Variants in SAMSN1 observed in about 807,000 individuals in gnomAD.
SAMSN1 encodes the protein SAM domain-containing protein SAMSN-1.
A neutral mutation model predicts 42.0 loss-of-function variants in SAMSN1; 31 were observed. That is an observed-to-expected ratio of 0.74 (90% confidence interval 0.55 to 1.00). The LOEUF (loss-of-function observed/expected upper bound fraction) is 1.00. Ranked by LOEUF, SAMSN1 falls within the 50% of genes least tolerant of loss-of-function variation. The pLI, the probability that SAMSN1 is intolerant of heterozygous loss-of-function variation, is 0.00. For synonymous variants in SAMSN1, 178 were observed against 151.9 expected (o/e 1.17, Z -1.26); for missense variants, 464 against 439.4 (o/e 1.06, Z -0.50).
intron 5 of SAMSN1, among the ~76,000 whole-genome samples, chr21:14,508,066 C>A (rs939559839): frequency 2.6e-5 from 4 of 152,148 alleles, no homozygotes; most frequent in Non-Finnish European, 5.9e-5. Context: ...TCAAGATGGA[C>A]TAACGACTTA....
chr21:14,530,419 T>A (rs368638835), intron 1 of SAMSN1, among the ~76,000 whole-genome samples: 4 of 151,940 alleles, frequency 2.6e-5, no homozygotes, highest in African/African-American at 9.7e-5. Context: ...ATGCTATGTA[T>A]AAGATGGATC....
intron 2 of SAMSN1, among the ~76,000 whole-genome samples, chr21:14,568,142 A>G (rs899007686): frequency 6.6e-6 from 1 of 152,240 alleles, no homozygotes; most frequent in African/African-American, 2.4e-5. Context: ...GCTTTAGAAC[A>G]TAGTATTCTA....
intron 1 of SAMSN1, chr21:14,643,239 T>A: frequency 1.6e-6 from 1 of 624,422 alleles, no homozygotes; most frequent in Non-Finnish European, 2.9e-6. Context: ...ATTTAAATTA[T>A]CCTGGGCATA....
At chr21:14,555,502 C>G (rs1309277752) in intron 2 of SAMSN1, among the ~76,000 whole-genome samples, 3 of 152,130 alleles carry the variant, frequency 2.0e-5, no homozygotes, top group Admixed American at 6.5e-5. Context: ...CCTGTCAATA[C>G]CACCCCTACC....
chr21:14,582,070 C>CT, intron 2 of SAMSN1: 1 of 1,369,966 alleles, frequency 7.3e-7, no homozygotes, highest in Non-Finnish European at 9.7e-7. Flanking sequence ...CTTTTGCTAT[C>CT]TGTTTCTTTC....
intron 7 of SAMSN1, among the ~76,000 whole-genome samples, chr21:14,489,491 C>T (rs2822699): frequency 0.4 from 60,153 of 151,872 alleles, 15,438 homozygotes; most frequent in African/African-American, 0.73. Context: ...AGAATTAAAA[C>T]GGTATAATTT....
At chr21:14,621,311 G>A (rs113309251) in intron 2 of SAMSN1, among the ~76,000 whole-genome samples, 42 of 152,304 alleles carry the variant, frequency 2.8e-4, no homozygotes, top group Admixed American at 1.3e-3. Context: ...GACAGTGGGT[G>A]CAGCCCACTG....
At chr21:14,508,374 T>C (rs1220224242) in intron 5 of SAMSN1, among the ~76,000 whole-genome samples, 1 of 150,358 alleles carries the variant, frequency 6.7e-6, no homozygotes, top group Non-Finnish European at 1.5e-5. Flanking sequence ...AAACAAACAA[T>C]CCCATCAAAA....
intron 1 of SAMSN1, among the ~76,000 whole-genome samples, chr21:14,528,730 C>A (rs1317228065): frequency 6.6e-6 from 1 of 152,118 alleles, no homozygotes; most frequent in Non-Finnish European, 1.5e-5. Context: ...TGAACCAATG[C>A]AACAACTTTC....
At chr21:14,594,351 G>A (rs1982192540) in intron 6 of SAMSN1, among the ~76,000 whole-genome samples, 2 of 152,052 alleles carry the variant, frequency 1.3e-5, no homozygotes, top group South Asian at 2.1e-4. Context: ...ATGTGTATGT[G>A]TCTATGTGTA....
intron 5 of SAMSN1, among the ~76,000 whole-genome samples, chr21:14,507,095 G>C (rs1439514822): frequency 6.6e-6 from 1 of 152,102 alleles, no homozygotes; most frequent in African/African-American, 2.4e-5. Flanking sequence ...ATGCTGAATG[G>C]GCACAAGGTG....
chr21:14,487,631 A>G (rs1178487020), intron 7 of SAMSN1, among the ~76,000 whole-genome samples: 1 of 152,168 alleles, frequency 6.6e-6, no homozygotes. Flanking sequence ...GCTGGAAGAA[A>G]ATGATAAAAA....
chr21:14,586,333 T>G (rs1981918912), upstream of SAMSN1, among the ~76,000 whole-genome samples: 1 of 151,922 alleles, frequency 6.6e-6, no homozygotes. Context: ...TAACCCTATT[T>G]ATCTCAATTC....
At chr21:14,516,349 T>G (rs539396060) in intron 3 of SAMSN1, among the ~76,000 whole-genome samples, 49 of 152,298 alleles carry the variant, frequency 3.2e-4, no homozygotes, top group Non-Finnish European at 5.3e-4. Context: ...GACATGTTGT[T>G]CTTCACATTG....
intron 2 of SAMSN1, among the ~76,000 whole-genome samples, chr21:14,581,081 A>G (rs150844299): frequency 1.8e-3 from 277 of 152,302 alleles, no homozygotes; most frequent in African/African-American, 6.2e-3. Flanking sequence ...GCCCAAAAAA[A>G]AAGTAGCACA....
intron 2 of SAMSN1, among the ~76,000 whole-genome samples, chr21:14,561,435 G>A (rs939120375): frequency 3.9e-5 from 6 of 152,114 alleles, no homozygotes; most frequent in African/African-American, 7.2e-5. Context: ...TGCTGTTTGC[G>A]TAGTTGGCAG....
Position 14,649,262 on chromosome 21 carries a change from G to C in SAMSN1, c.25-6129C>G, listed in dbSNP as rs1329168363. On this transcript the variant is annotated intron_variant, in intron 1 of 15. Coordinates refer to the SAMSN1 transcript ENST00000647101. ...ACAGGAAGGGGAACATCATACTCTG[G>C]GGACTGTTGTGGGGTGGGGGGAGGG... Among the ~76,000 whole-genome samples, 6 of 138,248 alleles carry C rather than the reference G, an allele frequency of 4.3e-5. No individual in the cohort carries two copies. In the East Asian group the frequency reaches 1.4e-3, roughly 31 times the overall value. 90.7% of individuals were successfully genotyped at this position (138,248 alleles called of 152,430 possible). A position where few individuals can be genotyped will look rare whatever the true frequency, so the allele number is the denominator to read the frequency against.
chr21:14,625,379 C>G (rs904342650), intron 2 of SAMSN1, among the ~76,000 whole-genome samples: 1 of 152,086 alleles, frequency 6.6e-6, no homozygotes, highest in Non-Finnish European at 1.5e-5. Context: ...TTAGAAAGCC[C>G]CATAGTCTCA....
chr21:14,642,813 ATGG>A (rs1405473879), intron 2 of SAMSN1, among the ~76,000 whole-genome samples: 1 of 152,178 alleles, frequency 6.6e-6, no homozygotes, highest in Non-Finnish European at 1.5e-5. Flanking sequence ...CATTCAATAA[ATGG>A]TGGTTCATAT....
Sources: gnomAD v4.1 joint callset for allele counts (sites outside exome capture counted in the v4.1 genomes callset) on GRCh38, gnomAD v4.1.1 for gene constraint, MANE v1.5 for transcripts, NCBI Gene and HGNC (gene_info 2026-07-23, HGNC 2026-07-21) for gene names.